SLC9C1: variants seen among roughly 807,000 people sequenced by gnomAD.
The protein encoded by SLC9C1 is solute carrier family 9 member C1.
A neutral mutation model predicts 140.9 loss-of-function variants in SLC9C1; 97 were observed. That is an observed-to-expected ratio of 0.69 (90% confidence interval 0.58 to 0.82). The LOEUF (loss-of-function observed/expected upper bound fraction) is 0.82. Among genes scored for constraint, SLC9C1 ranks in the 40% least tolerant of loss-of-function variants. SLC9C1 has a pLI of 0.00. For missense variants in SLC9C1, 1,340 were observed against 1,389.3 expected (o/e 0.96, Z 0.56); for synonymous variants, 440 against 442.6 (o/e 0.99, Z 0.07).
intron 18 of SLC9C1, among the ~76,000 whole-genome samples, chr3:112,201,455 G>T (rs1277013065): frequency 6.6e-6 from 1 of 151,980 alleles, no homozygotes; most frequent in South Asian, 2.1e-4. Context: ...TACTTTTTGT[G>T]TTCTACCACA....
chr3:112,286,703 C>T lies in SLC9C1; in HGVS notation c.88+1G>A, dbSNP rs756178361. The T allele has an allele frequency of 6.2e-7, 1 of 1,608,564 alleles. No individual in the cohort carries two copies. Among genetic ancestry groups the T allele is most frequent in the South Asian group, 1.1e-5 (1 of 89,916 alleles). ...TCAGATAAAGAGAGAGTGATACTTA[C>T]CTCCAATGGAGCTGATCAAAGACAA... On this transcript the variant is annotated splice_donor_variant, in intron 2 of 28. Transcript: ENST00000305815. LOFTEE classifies it high-confidence loss of function.
At chr3:112,215,393 C>T (rs1360300065) in intron 15 of SLC9C1, among the ~76,000 whole-genome samples, 4 of 152,028 alleles carry the variant, frequency 2.6e-5, no homozygotes, top group Admixed American at 6.6e-5. Flanking sequence ...AAAGGGTAGT[C>T]AATTAGGAAA....
chr3:112,146,075 C>T (rs2074785705), intron 28 of SLC9C1, among the ~76,000 whole-genome samples: 1 of 152,120 alleles, frequency 6.6e-6, no homozygotes, highest in African/African-American at 2.4e-5. Flanking sequence ...ACTGATACAC[C>T]ATTTCTTCTA....
chr3:112,189,312 T>C lies in SLC9C1; in HGVS notation c.2524-7054A>G, dbSNP rs560388388. 3.9e-5 allele frequency among the ~76,000 whole-genome samples: 6 copies of C among 152,376 alleles called. No individual in the cohort carries two copies. The East Asian group carries it at 1.2e-3, about 29-fold the overall frequency. On this transcript the variant is annotated intron_variant, in intron 20 of 28. Coordinates refer to ENST00000305815, the MANE Select transcript of SLC9C1 (RefSeq NM_183061.3). ...GTCATGAAGTCCTTGCCCATGCCTATGTCCTTAATGGTATTGCCTAGGTTT... is the reference window on the plus strand; with the variant it reads ...GTCATGAAGTCCTTGCCCATGCCTACGTCCTTAATGGTATTGCCTAGGTTT...
At chr3:112,280,864 G>T in intron 2 of SLC9C1, 81 bp from the exon 3 acceptor site, 2 of 1,284,960 alleles carry the variant, frequency 1.6e-6, no homozygotes, top group South Asian at 1.3e-5. Context: ...TCTTAAAATT[G>T]TGAACAATGT....
chr3:112,244,543 T>C (rs1029245647), intron 10 of SLC9C1, among the ~76,000 whole-genome samples: 1 of 152,184 alleles, frequency 6.6e-6, no homozygotes, highest in Non-Finnish European at 1.5e-5. Context: ...GCCCTTGATA[T>C]GTTTTCTCCA....
chr3:112,241,069 A>T (rs1475037912), intron 11 of SLC9C1, among the ~76,000 whole-genome samples: 1 of 152,204 alleles, frequency 6.6e-6, no homozygotes, highest in East Asian at 1.9e-4. Flanking sequence ...ACAACACAAT[A>T]AGGTGACTAT....
intron 10 of SLC9C1, among the ~76,000 whole-genome samples, chr3:112,257,466 A>T (rs984069380): frequency 2.0e-5 from 3 of 152,208 alleles, no homozygotes; most frequent in Non-Finnish European, 4.4e-5. Context: ...TCCCTATTCA[A>T]TAAATGGTTT....
At chr3:112,213,674 G>C (rs1007274378) in intron 15 of SLC9C1, among the ~76,000 whole-genome samples, 4 of 152,134 alleles carry the variant, frequency 2.6e-5, no homozygotes, top group Non-Finnish European at 4.4e-5. Flanking sequence ...AAATATATAT[G>C]CACCCAATAC....
rs553754884 is a variant in SLC9C1 at position 112,190,585 on chromosome 3, G to A, written c.2524-8327C>T. On this transcript the variant is annotated intron_variant, in intron 20 of 28. Coordinates refer to ENST00000305815, the MANE Select transcript of SLC9C1 (RefSeq NM_183061.3). ...TTGCCCATCATTTCTGATTTAATTGGCAAAAAAATTGTATCTTTAGTTTTA... is the reference window on the plus strand; with the variant it reads ...TTGCCCATCATTTCTGATTTAATTGACAAAAAAATTGTATCTTTAGTTTTA... Among the ~76,000 whole-genome samples the A allele has an allele frequency of 1.8e-4, 27 of 151,778 alleles. No homozygotes were observed. The South Asian group carries it at 5.6e-3, about 32-fold the overall frequency.
chr3:112,216,909 T>G lies in SLC9C1; in HGVS notation c.1790+533A>C, dbSNP rs529799890. ...TGCTATAAAGACACATGCACACATA[T>G]GTTTATTGTGGCACTATTCACAATA... On this transcript the variant is annotated intron_variant, in intron 15 of 28. Coordinates refer to ENST00000305815, the MANE Select transcript of SLC9C1 (RefSeq NM_183061.3). Among the ~76,000 whole-genome samples the G allele has an allele frequency of 8.5e-5, 13 of 152,280 alleles. No individual in the cohort carries two copies. In the South Asian group the frequency reaches 2.7e-3, roughly 32 times the overall value.
chr3:112,245,161 C>T (rs551070572), intron 10 of SLC9C1, among the ~76,000 whole-genome samples: 26 of 152,258 alleles, frequency 1.7e-4, no homozygotes, highest in Middle Eastern at 3.4e-3. Context: ...CTAAAATCTT[C>T]GTATAAATTA....
In SLC9C1 at chr3:112,185,335, C is replaced by A. The variant is rs1195641295; in HGVS notation, c.2524-3077G>T. On this transcript the variant is annotated intron_variant, in intron 20 of 28. Transcript: ENST00000305815. ...TTAGGTCAGGGCTTCTGAAAAAAGTCGTGTAAAAAAAAAATAATAAAAGGT... is the reference window on the plus strand; with the variant it reads ...TTAGGTCAGGGCTTCTGAAAAAAGTAGTGTAAAAAAAAAATAATAAAAGGT... 134 of 623,410 alleles carry A rather than the reference C, an allele frequency of 2.1e-4. No homozygotes were observed. In the African/African-American group the frequency reaches 2.4e-3, roughly 11 times the overall value. The allele number at this position is 623,410 out of a possible 1,614,324, so 38.6% of individuals were successfully genotyped here. A position where few individuals can be genotyped will look rare whatever the true frequency, so the allele number is the denominator to read the frequency against.
chr3:112,253,477 CT>C (rs1347549347), intron 10 of SLC9C1, among the ~76,000 whole-genome samples: 1 of 152,208 alleles, frequency 6.6e-6, no homozygotes, highest in Non-Finnish European at 1.5e-5. Flanking sequence ...CCACCACCTA[CT>C]GGTTCACACC....
intron 11 of SLC9C1, among the ~76,000 whole-genome samples, chr3:112,241,086 T>G (rs529467151): frequency 6.6e-6 from 1 of 152,308 alleles, no homozygotes; most frequent in South Asian, 2.1e-4. Flanking sequence ...CTATAGTCAA[T>G]AATACCTTTA....
Position 112,265,432 on chromosome 3 carries a change from G to C in SLC9C1, c.878+806C>G, listed in dbSNP as rs542345462. Among the ~76,000 whole-genome samples, 10 of 152,080 alleles carry C rather than the reference G, an allele frequency of 6.6e-5. No homozygotes were observed. The East Asian group carries it at 1.9e-3, about 29-fold the overall frequency. On this transcript the variant is annotated intron_variant, in intron 8 of 28. Transcript: ENST00000305815. The stretch of plus-strand genomic sequence containing the variant: ...ATTTACTTCCATTGTAATTGGCATG[G>C]AATTTTATTGAAGTGCTCCAGAATC...
intron 13 of SLC9C1, among the ~76,000 whole-genome samples, chr3:112,225,750 C>T (rs1387704550): frequency 3.4e-5 from 3 of 87,696 alleles, no homozygotes; most frequent in Non-Finnish European, 7.3e-5. Context: ...GCAAACAGAA[C>T]CCAAAAATGA....
At chr3:112,237,552 C>A (rs188693047) in intron 12 of SLC9C1, among the ~76,000 whole-genome samples, 6 of 152,228 alleles carry the variant, frequency 3.9e-5, no homozygotes, top group Non-Finnish European at 5.9e-5. Flanking sequence ...TTCCTAGCAT[C>A]GATGGTCTTT....
intron 22 of SLC9C1, among the ~76,000 whole-genome samples, chr3:112,180,088 T>G (rs1479264370): frequency 2.6e-5 from 4 of 152,248 alleles, no homozygotes; most frequent in African/African-American, 4.8e-5. Context: ...TTATCCATTG[T>G]GTCTGAACAT....
Sources: allele counts gnomAD v4.1 joint callset (sites outside exome capture counted in the v4.1 genomes callset), GRCh38; gene constraint gnomAD v4.1.1; transcripts MANE v1.5; gene names NCBI Gene and HGNC (gene_info 2026-07-23, HGNC 2026-07-21).